Variants in PCSK1 observed in about 807,000 individuals in gnomAD.
The protein encoded by PCSK1 is proprotein convertase subtilisin/kexin type 1, also known as neuroendocrine convertase 1.
In PCSK1, 56 loss-of-function variants were observed where a neutral mutation model predicts 90.6. The observed-to-expected ratio is 0.62, with a 90% CI of 0.50 to 0.77. PCSK1 has a LOEUF of 0.77. Ranked by LOEUF, PCSK1 falls within the 30% of genes least tolerant of loss-of-function variation. The pLI is 0.00. For missense variants in PCSK1, 801 were observed against 932.6 expected, an observed-to-expected ratio of 0.86 and a Z score of 1.84; for synonymous variants, 348 against 342.4, an observed-to-expected ratio of 1.02 and a Z score of -0.18.
intron 9 of PCSK1, among the ~76,000 whole-genome samples, chr5:96,400,809 T>C (rs1381064774): frequency 1.3e-5 from 2 of 151,982 alleles, no homozygotes; most frequent in Non-Finnish European, 2.9e-5. Context: ...CAATCCAGGC[T>C]GGGCGCGGTG....
At chr5:96,423,574 T>G in intron 3 of PCSK1, 115 bp from the exon 4 acceptor site, 1 of 922,276 alleles carries the variant, frequency 1.1e-6, no homozygotes, top group Non-Finnish European at 1.7e-6. Flanking sequence ...CACTCTACTC[T>G]TTAGAAGAAG....
chr5:96,417,508 T>C (rs1363669324), intron 5 of PCSK1, among the ~76,000 whole-genome samples: 1 of 151,952 alleles, frequency 6.6e-6, no homozygotes, highest in East Asian at 1.9e-4. Flanking sequence ...CCCCACTCTT[T>C]CTTGAGAATT....
intron 9 of PCSK1, among the ~76,000 whole-genome samples, chr5:96,405,941 G>T (rs1760544927): frequency 6.6e-6 from 1 of 152,136 alleles, no homozygotes. Flanking sequence ...TTTTAAGATT[G>T]CTTTCTTTTA....
chr5:96,401,086 CAAAAAAA>C (rs35928091), intron 9 of PCSK1, among the ~76,000 whole-genome samples: 28 of 70,544 alleles, frequency 4.0e-4, no homozygotes, highest in African/African-American at 8.3e-4. Flanking sequence ...GACTCCGTCT[CAAAAAAA>C]AAAAAAAAAA....
At chr5:96,423,483 A>G (rs1286686878) in intron 3 of PCSK1, 24 bp from the exon 4 acceptor site, 4 of 1,612,526 alleles carry the variant, frequency 2.5e-6, no homozygotes, top group Admixed American at 1.7e-5. Context: ...ACAACGAAGC[A>G]TTGATAAAAT....
At chr5:96,416,719 A>G (rs1167101169) in intron 5 of PCSK1, among the ~76,000 whole-genome samples, 1 of 152,182 alleles carries the variant, frequency 6.6e-6, no homozygotes, top group Non-Finnish European at 1.5e-5. Flanking sequence ...TATTTGCAAG[A>G]CATTACCAGC....
At chr5:96,394,694 G>GA (rs1204976103) in intron 13 of PCSK1, among the ~76,000 whole-genome samples, 170 bp downstream of exon 13, 2 of 151,986 alleles carry the variant, frequency 1.3e-5, no homozygotes, top group South Asian at 2.1e-4. Flanking sequence ...AATATTGAAT[G>GA]AAAAAAATAC....
chr5:96,421,996 A>T, intron 4 of PCSK1, 40 bp from the exon 5 acceptor site: 5 of 164,480 alleles, frequency 3.0e-5, no homozygotes, highest in East Asian at 2.2e-4. Flanking sequence ...GCAGCATTAA[A>T]AAAAAAAAAA....
At chr5:96,432,698 T>C (rs998001517) in intron 1 of PCSK1, among the ~76,000 whole-genome samples, 165 bp downstream of exon 1, 14 of 152,216 alleles carry the variant, frequency 9.2e-5, no homozygotes, top group African/African-American at 3.4e-4. Flanking sequence ...ATGCAAGCTT[T>C]CTCTCTCTCC....
rs6864235 is a variant in PCSK1, at chr5:96,421,303, T to C, written c.620+577A>G. On this transcript the variant is annotated intron_variant, in intron 5 of 13. Transcript: ENST00000311106. ...GGTGCTGTCTCCTCTCTCTTTCCTA[T>C]GGCCTTATAGCAGCAGGAACTCTGG... 3.8e-3 allele frequency among the ~76,000 whole-genome samples: 585 copies of C among 152,320 alleles called. 3 individuals are homozygous for C. Among genetic ancestry groups the C allele is most frequent in the African/African-American group, 0.014 (564 of 41,574 alleles).
chr5:96,422,699 G>A (rs1164925896), intron 4 of PCSK1, among the ~76,000 whole-genome samples: 2 of 152,152 alleles, frequency 1.3e-5, no homozygotes, highest in East Asian at 3.8e-4. Flanking sequence ...AAAAACAAGG[G>A]ATAATCTGAA....
At chr5:96,425,751 T>G in intron 3 of PCSK1, 69 bp downstream of exon 3, 1 of 848,062 alleles carries the variant, frequency 1.2e-6, no homozygotes, top group Admixed American at 1.9e-5. Context: ...AAATCCATGT[T>G]GCAAATGTAA....
intron 1 of PCSK1, among the ~76,000 whole-genome samples, chr5:96,430,635 T>C (rs970222902): frequency 6.6e-6 from 1 of 152,238 alleles, no homozygotes; most frequent in African/African-American, 2.4e-5. Flanking sequence ...ATTTTAGTAA[T>C]ATTAAACAAA....
chr5:96,405,588 T>A (rs1160384495), intron 9 of PCSK1, among the ~76,000 whole-genome samples: 1 of 152,170 alleles, frequency 6.6e-6, no homozygotes, highest in Non-Finnish European at 1.5e-5. Flanking sequence ...TAAGAATTTC[T>A]TGAACCGGAG....
At chr5:96,426,495 C>A (rs949690489) in intron 2 of PCSK1, among the ~76,000 whole-genome samples, 1 of 152,066 alleles carries the variant, frequency 6.6e-6, no homozygotes, top group Admixed American at 6.6e-5. Context: ...AGACACAGAT[C>A]CTGGGTGATG....
Position 96,391,120 on chromosome 5 carries a change from A to G in PCSK1, c.*1881T>C, listed in dbSNP as rs1759922777. On this transcript the variant is annotated 3_prime_UTR_variant, in exon 14 of 14. Transcript: ENST00000311106. The stretch of plus-strand genomic sequence containing the variant: ...TTGGAAATTCTATCTAACACTTCAT[A>G]TCAAACAATATATGAAACTTCCAAG... The G allele has an allele frequency of 1.3e-5, 2 of 152,196 alleles. No homozygotes were observed. The highest frequency in any genetic ancestry group is 4.1e-4 in the South Asian group (2 of 4,828). 9.4% of individuals were successfully genotyped at this position (152,196 alleles called of 1,614,324 possible).
intron 2 of PCSK1, among the ~76,000 whole-genome samples, chr5:96,427,717 A>G (rs761252020): frequency 9.2e-5 from 14 of 152,192 alleles, no homozygotes; most frequent in Non-Finnish European, 2.9e-5. Flanking sequence ...ATTTTCTCCT[A>G]TGAAAGTGAG....
chr5:96,394,284 T>C (rs1486918633), intron 13 of PCSK1, among the ~76,000 whole-genome samples: 1 of 152,196 alleles, frequency 6.6e-6, no homozygotes, highest in Non-Finnish European at 1.5e-5. Flanking sequence ...CCAGGAGCCA[T>C]AGCAGGCTGA....
intron 7 of PCSK1, among the ~76,000 whole-genome samples, chr5:96,411,977 C>T (rs1760768847): frequency 6.6e-6 from 1 of 152,124 alleles, no homozygotes; most frequent in African/African-American, 2.4e-5. Flanking sequence ...ACCACAGTTT[C>T]ACTGTCTAAA....
Sources: gnomAD v4.1 joint callset for allele counts (sites outside exome capture counted in the v4.1 genomes callset) on GRCh38, gnomAD v4.1.1 for gene constraint, MANE v1.5 for transcripts, NCBI Gene and HGNC (gene_info 2026-07-23, HGNC 2026-07-21) for gene names.